Variants in KNL1 observed in about 807,000 individuals in gnomAD.
The protein encoded by KNL1 is outer kinetochore KNL1 complex subunit KNL1.
Under a neutral mutation model 201.3 loss-of-function variants are expected in KNL1, and 66 were observed. The ratio of observed to expected loss-of-function variants is 0.33; its 90% CI spans 0.27 to 0.40. The LOEUF (loss-of-function observed/expected upper bound fraction) is 0.40. KNL1 is among the 10% of genes least tolerant of loss of function. The pLI is 1.00. For missense variants in KNL1, 2,815 were observed against 2,690.5 expected (o/e 1.05, Z -1.02); for synonymous variants, 895 against 899.2 (o/e 1.00, Z 0.08).
intron 1 of KNL1, among the ~76,000 whole-genome samples, chr15:40,595,133 C>G (rs1330631763): frequency 2.0e-5 from 3 of 152,150 alleles, no homozygotes; most frequent in Non-Finnish European, 4.4e-5. Context: ...GAAGCTTATT[C>G]CAGTCTAGAT....
Position 40,621,711 on chromosome 15 carries a change from A to C in KNL1, c.1447A>C (p.Asn483His), listed in dbSNP as rs1256873706. ...GAAAACTATTTATTCCGGAGAGGAG[A>C]ACATGGACATTACCAAGAGTCATAC... The part of the protein sequence containing the change: ...TEKTIYSGEE[N>H]MDITKSHTVA... The change falls in exon 10 of 26, where the codon AAC (asparagine) becomes CAC (histidine). Residue 483 changes from asparagine to histidine, a missense_variant. This residue lies in a region of KNL1 where 2,464 missense variants were observed against 2,291.7 expected (regional missense o/e 1.08). Coordinates refer to ENST00000399668, the MANE Select transcript of KNL1 (RefSeq NM_144508.5). 1 of 1,612,416 alleles carries C rather than the reference A, an allele frequency of 6.2e-7. No individual in the cohort carries two copies. The highest frequency in any genetic ancestry group is 1.1e-5 in the South Asian group (1 of 91,014).
At chr15:40,635,669 G>A (rs1474257571) in intron 13 of KNL1, among the ~76,000 whole-genome samples, 1 of 152,052 alleles carries the variant, frequency 6.6e-6, no homozygotes, top group East Asian at 1.9e-4. Context: ...ATGTATTCTT[G>A]AGGCAGGGGG....
At chr15:40,632,645 G>C (rs368407902) in intron 13 of KNL1, among the ~76,000 whole-genome samples, 19 of 152,058 alleles carry the variant, frequency 1.2e-4, no homozygotes, top group Non-Finnish European at 1.5e-5. Flanking sequence ...CAGAATGTGA[G>C]AAAACAGTTG....
intron 10 of KNL1, among the ~76,000 whole-genome samples, chr15:40,627,330 C>T (rs1420564608): frequency 6.6e-6 from 1 of 152,066 alleles, no homozygotes; most frequent in Non-Finnish European, 1.5e-5. Context: ...CTGGCTAACA[C>T]GGTGAAACCC....
chr15:40,600,143 T>C (rs1247747592), intron 1 of KNL1, among the ~76,000 whole-genome samples: 1 of 151,318 alleles, frequency 6.6e-6, no homozygotes, highest in East Asian at 1.9e-4. Context: ...TGGCCCCGTG[T>C]TGGCTCACTG....
Position 40,620,673 on chromosome 15 carries a change from C to T in KNL1, c.409C>T (p.His137Tyr). ...SIIEHTRERKHANDQTVIFSD... is the reference protein window; with the variant it reads ...SIIEHTRERKYANDQTVIFSD... Reference sequence around the variant, plus strand: ...TATAGAACATACCCGTGAAAGGAAACATGCAAATGACCAGACAGTCATTTT... The same window carrying T: ...TATAGAACATACCCGTGAAAGGAAATATGCAAATGACCAGACAGTCATTTT... The change falls in exon 10 of 26, where the codon CAT becomes TAT. Residue 137 changes from histidine (H) to tyrosine (Y), a missense_variant. This residue lies in a region of KNL1 where 2,464 missense variants were observed against 2,291.7 expected (regional missense o/e 1.08). Transcript: ENST00000399668. The T allele has an allele frequency of 6.3e-7, 1 of 1,590,560 alleles. No individual in the cohort carries two copies. Among genetic ancestry groups the T allele is most frequent in the African/African-American group, 1.4e-5 (1 of 73,368 alleles).
At chr15:40,648,850 G>A (rs1229183444) in intron 17 of KNL1, among the ~76,000 whole-genome samples, 2 of 116,606 alleles carry the variant, frequency 1.7e-5, no homozygotes, top group East Asian at 2.3e-4. Flanking sequence ...TTTTTTTTGA[G>A]ATGGTATTTC....
chr15:40,657,508 GAGT>G (rs1893770036), intron 24 of KNL1, 35 bp downstream of exon 24: 2 of 1,100,032 alleles, frequency 1.8e-6, no homozygotes, highest in Non-Finnish European at 2.8e-6. Flanking sequence ...TGCCATGACA[GAGT>G]ACTACAAATT....
intron 17 of KNL1, among the ~76,000 whole-genome samples, chr15:40,649,864 T>C (rs1893501904): frequency 6.6e-6 from 1 of 152,222 alleles, no homozygotes; most frequent in Non-Finnish European, 1.5e-5. Flanking sequence ...ATGGCTCTTT[T>C]GTTAGTACTT....
rs183548608 is a variant in KNL1, at chr15:40,602,014, G to A, written c.-17-901G>A. Among the ~76,000 whole-genome samples, 319 of 148,560 alleles carry A rather than the reference G, an allele frequency of 2.1e-3. 2 individuals carry two copies. The highest frequency in any genetic ancestry group is 7.6e-3 in the African/African-American group (309 of 40,640). ...ACGCCGCCACGCCTGGCTAATTTTT[G>A]TGGGTTTTTTTGTTTTGTTTTTGTT... On this transcript the variant is annotated intron_variant, in intron 1 of 25. Coordinates refer to ENST00000399668, the MANE Select transcript of KNL1 (RefSeq NM_144508.5).
chr15:40,625,323 C>G lies in KNL1; in HGVS notation c.5059C>G (p.Gln1687Glu). 7 of 1,614,118 alleles carry G rather than the reference C, an allele frequency of 4.3e-6. No homozygotes were observed. The highest frequency in any genetic ancestry group is 5.1e-6 in the Non-Finnish European group (6 of 1,179,988). Reference protein sequence around the residue: ...DTTDINHLETQPVSSKDSGIG... With the variant: ...DTTDINHLETEPVSSKDSGIG... Reference sequence around the variant, plus strand: ...AACTGATATAAATCACTTAGAAACTCAGCCGGTCTCTAGCAAAGATTCAGG... The same window carrying G: ...AACTGATATAAATCACTTAGAAACTGAGCCGGTCTCTAGCAAAGATTCAGG... Residue 1687 changes from glutamine (Q) to glutamate (E), a missense_variant, in exon 10 of 26, where the codon CAG becomes GAG. By Grantham distance (29) the Gln-to-Glu change is conservative. Around this residue, in one of 3 missense-constraint regions of KNL1, gnomAD observed 2,464 missense variants for 2,291.7 expected, o/e 1.08. Coordinates refer to ENST00000399668, the MANE Select transcript of KNL1 (RefSeq NM_144508.5).
rs759120917 is a variant in KNL1, at chr15:40,624,557, A to T, written c.4293A>T (p.Lys1431Asn). ...VSFKLPKDQM[K>N]VYVDDIYVIP... ...TTAAGCTTCCAAAGGATCAAATGAAAGTCTATGTTGATGACATTTATGTTA... is the reference window on the plus strand; with the variant it reads ...TTAAGCTTCCAAAGGATCAAATGAATGTCTATGTTGATGACATTTATGTTA... The change falls in exon 10 of 26, where the codon AAA becomes AAT. Residue 1431 changes from lysine to asparagine, a missense_variant. Around this residue, in one of 3 missense-constraint regions of KNL1, gnomAD observed 2,464 missense variants for 2,291.7 expected, o/e 1.08. Transcript: ENST00000399668. 3 of 1,613,932 alleles carry T rather than the reference A, an allele frequency of 1.9e-6. No homozygotes were observed. In the Admixed American group the frequency reaches 5.0e-5, roughly 27 times the overall value.
At chr15:40,638,889 G>A (rs1292731647) in intron 13 of KNL1, among the ~76,000 whole-genome samples, 1 of 150,072 alleles carries the variant, frequency 6.7e-6, no homozygotes, top group African/African-American at 2.5e-5. Flanking sequence ...TCTGCTCACT[G>A]CAACCTCCGC....
chr15:40,601,362 T>C (rs1038915908), intron 1 of KNL1, among the ~76,000 whole-genome samples: 1 of 152,194 alleles, frequency 6.6e-6, no homozygotes, highest in Non-Finnish European at 1.5e-5. Context: ...GGACCACTTA[T>C]CTAATTGATG....
At chr15:40,608,397 G>A (rs1015561223) in intron 4 of KNL1, among the ~76,000 whole-genome samples, 1 of 141,082 alleles carries the variant, frequency 7.1e-6, no homozygotes, top group African/African-American at 2.7e-5. Context: ...TCGAGTTACT[G>A]TACTCCAGCC....
At position 40,624,760 on chromosome 15, in the gene KNL1, T is replaced by A. The variant is rs369268898; in HGVS notation, c.4496T>A (p.Phe1499Tyr). The change falls in exon 10 of 26, where the codon TTT becomes TAT. Residue 1499 changes from phenylalanine to tyrosine, a missense_variant. By Grantham distance (22) the Phe-to-Tyr change is conservative (BLOSUM62 3). This residue lies in a region of KNL1 where 2,464 missense variants were observed against 2,291.7 expected (regional missense o/e 1.08). Transcript: ENST00000399668. ...KPKILNSEEWFAAACKKELKE... is the reference protein window; with the variant it reads ...KPKILNSEEWYAAACKKELKE... ...AAAATACTCAATAGTGAGGAATGGT[T>A]TGCTGCAGCCTGTAAAAAAGAACTG... The A allele has an allele frequency of 9.3e-6, 15 of 1,613,774 alleles. No individual in the cohort carries two copies. The highest frequency in any genetic ancestry group is 1.3e-5 in the Non-Finnish European group (15 of 1,179,928).
chr15:40,629,254 C>T lies in KNL1; in HGVS notation c.5584-19C>T. The T allele has an allele frequency of 6.7e-7, 1 of 1,497,724 alleles. No homozygotes were observed. The allele number at this position is 1,497,724 out of a possible 1,614,324, so 92.8% of individuals were successfully genotyped here. Reference sequence around the variant, plus strand: ...AAATCACATTGAATGGTCATGCAAACTTTTTTTTCTTTTCTCAGAAACTCC... The same window carrying T: ...AAATCACATTGAATGGTCATGCAAATTTTTTTTTCTTTTCTCAGAAACTCC... On this transcript the variant is annotated intron_variant, in intron 12 of 25. Coordinates refer to ENST00000399668, the MANE Select transcript of KNL1 (RefSeq NM_144508.5).
Position 40,621,988 on chromosome 15 carries a change from C to T in KNL1, c.1724C>T (p.Thr575Ile). Residue 575 changes from threonine (T) to isoleucine (I), a missense_variant, in exon 10 of 26, where the codon ACT becomes ATT. Thr to Ile is a moderately conservative substitution (Grantham distance 89). Coordinates refer to ENST00000399668, the MANE Select transcript of KNL1 (RefSeq NM_144508.5). ...TTATCAGGTGAAAATATGGATTTGA[C>T]TGAAAGTCACACAAGTAACTTAGGA... ...ELLSGENMDL[T>I]ESHTSNLGSQ... The T allele has an allele frequency of 6.2e-7, 1 of 1,614,016 alleles. No homozygotes were observed. The highest frequency in any genetic ancestry group is 1.1e-5 in the South Asian group (1 of 91,080).
Position 40,640,978 on chromosome 15 carries a change from A to G in KNL1, c.5749A>G (p.Ile1917Val), listed in dbSNP as rs763514412. The change falls in exon 14 of 26, where the codon ATA (isoleucine) becomes GTA (valine). Residue 1917 changes from isoleucine to valine, a missense_variant. Around this residue, in one of 3 missense-constraint regions of KNL1, gnomAD observed 2,464 missense variants for 2,291.7 expected, o/e 1.08. Coordinates refer to ENST00000399668, the MANE Select transcript of KNL1 (RefSeq NM_144508.5). Reference protein sequence around the residue: ...MLSQYVYRPKIQIYREDCEAR... With the variant: ...MLSQYVYRPKVQIYREDCEAR... ...AAGTCAATATGTTTACCGACCCAAG[A>G]TACAGATTTATAGAGAAGATTGTGA... 3.1e-6 allele frequency: 5 copies of G among 1,613,454 alleles called. No individual in the cohort carries two copies. The highest frequency in any genetic ancestry group is 3.4e-6 in the Non-Finnish European group (4 of 1,179,674).
Sources: gnomAD v4.1 joint callset for allele counts (sites outside exome capture counted in the v4.1 genomes callset) on GRCh38, gnomAD v4.1.1 for gene constraint, gnomAD v4.1.1 regional missense constraint, MANE v1.5 for transcripts, NCBI Gene and HGNC (gene_info 2026-07-23, HGNC 2026-07-21) for gene names.